Variants in BCAS3 observed in about 807,000 individuals in gnomAD.
BCAS3 encodes BCAS3 microtubule associated cell migration factor.
In BCAS3, 53 loss-of-function variants were observed where a neutral mutation model predicts 116.1. That is an observed-to-expected ratio of 0.46 (90% CI 0.37 to 0.57). BCAS3 has a LOEUF of 0.57. Among genes scored for constraint, BCAS3 ranks in the 20% least tolerant of loss-of-function variants. BCAS3 has a pLI of 0.00. For synonymous variants in BCAS3, 391 were observed against 408.2 expected (o/e 0.96, Z 0.51); for missense variants, 917 against 1,165.4 (o/e 0.79, Z 3.10).
chr17:61,125,067 A>G (rs1030145355), intron 22 of BCAS3, among the ~76,000 whole-genome samples: 6 of 152,254 alleles, frequency 3.9e-5, no homozygotes, highest in Non-Finnish European at 5.9e-5. Flanking sequence ...ATAGATTTAA[A>G]TAATCAACCT....
Position 61,189,425 on chromosome 17 carries a change from C to A in BCAS3, c.2425+104861C>A, listed in dbSNP as rs1178713765. 6.6e-6 allele frequency among the ~76,000 whole-genome samples: 1 copy of A among 152,172 alleles called. No individual in the cohort carries two copies. The highest frequency in any genetic ancestry group is 1.5e-5 in the Non-Finnish European group (1 of 68,024). ...AGCAGTGTGTATTTTAGTTAAGGAACTTGGACTTATATCCTATAAGGATGG... is the reference window on the plus strand; with the variant it reads ...AGCAGTGTGTATTTTAGTTAAGGAAATTGGACTTATATCCTATAAGGATGG... On this transcript the variant is annotated intron_variant, in intron 22 of 23. Coordinates refer to ENST00000407086, the MANE Select transcript of BCAS3 (RefSeq NM_017679.5). The surrounding 1 kb of genome is among the most constrained non-coding windows in gnomAD (Gnocchi z 4.5).
At chr17:60,859,086 A>T (rs2053931137) in intron 7 of BCAS3, among the ~76,000 whole-genome samples, 1 of 152,136 alleles carries the variant, frequency 6.6e-6, no homozygotes, top group Admixed American at 6.6e-5. Context: ...ATTAATTTTA[A>T]TGCTGACATT....
chr17:60,765,034 A>G (rs997423995), intron 6 of BCAS3, among the ~76,000 whole-genome samples: 5 of 151,708 alleles, frequency 3.3e-5, no homozygotes, highest in African/African-American at 9.7e-5. Context: ...TTTGCTTTCC[A>G]TTTGCTTGGT....
In BCAS3 at chr17:60,764,710, G is replaced by A. The variant is rs190995531; in HGVS notation, c.403+17431G>A. Among the ~76,000 whole-genome samples, 4 of 152,240 alleles carry A rather than the reference G, an allele frequency of 2.6e-5. No homozygotes were observed. The East Asian group carries it at 7.7e-4, about 29-fold the overall frequency. On this transcript the variant is annotated intron_variant, in intron 6 of 23. Coordinates refer to ENST00000407086, the MANE Select transcript of BCAS3 (RefSeq NM_017679.5). ...GGAGATTTCTGTAGATGTCTATTAG[G>A]TCTGCTTGGTGCAGAGCTGAGTTCA...
chr17:61,059,341 C>G (rs1270722920), intron 19 of BCAS3, among the ~76,000 whole-genome samples: 1 of 151,964 alleles, frequency 6.6e-6, no homozygotes, highest in East Asian at 1.9e-4. Context: ...CTTGGCCTCC[C>G]AAAGTTCTGG....
intron 7 of BCAS3, among the ~76,000 whole-genome samples, chr17:60,839,125 G>A (rs768891339): frequency 2.0e-5 from 3 of 152,100 alleles, no homozygotes; most frequent in Non-Finnish European, 4.4e-5. Context: ...TCTGTTTCTT[G>A]TAACATTTCT....
intron 22 of BCAS3, among the ~76,000 whole-genome samples, chr17:61,110,676 G>A (rs1416837113): frequency 2.0e-5 from 3 of 152,124 alleles, no homozygotes; most frequent in South Asian, 2.1e-4. Context: ...AGGGGCGCCC[G>A]CCATTGCCCA....
At chr17:60,770,075 A>G (rs73316705) in intron 6 of BCAS3, among the ~76,000 whole-genome samples, 41,707 of 151,890 alleles carry the variant, frequency 0.27, 11,436 homozygotes, top group African/African-American at 0.71. Context: ...TCCCAGTCCA[A>G]GTTTGGTTCT....
In BCAS3 at chr17:61,217,963, G is replaced by A. The variant is rs1451650622; in HGVS notation, c.2425+133399G>A. ...TACAACAGATCACTGATAATTTAGT[G>A]GACTGGTTACCACCAGAATCCTTGG... On this transcript the variant is annotated intron_variant, in intron 22 of 23. Coordinates refer to ENST00000407086, the MANE Select transcript of BCAS3 (RefSeq NM_017679.5). This position sits in a 1 kb window ranked among gnomAD's most constrained non-coding sequence, Gnocchi z 5.2. Among the ~76,000 whole-genome samples the A allele has an allele frequency of 6.6e-6, 1 of 152,022 alleles. No homozygotes were observed. Among genetic ancestry groups the A allele is most frequent in the Non-Finnish European group, 1.5e-5 (1 of 68,010 alleles).
chr17:60,945,404 C>T (rs12602051), intron 13 of BCAS3, among the ~76,000 whole-genome samples: 3 of 152,138 alleles, frequency 2.0e-5, no homozygotes, highest in Non-Finnish European at 4.4e-5. Context: ...GGAAAAGGCT[C>T]ATTTTACCTG....
chr17:60,757,328 T>TAATAAATAAATA (rs1304670427), intron 6 of BCAS3, among the ~76,000 whole-genome samples: 8 of 19,072 alleles, frequency 4.2e-4, no homozygotes, highest in African/African-American at 4.7e-4. Flanking sequence ...AAAATAATAA[T>TAATAAATAAATA]AATAAATAAA....
intron 22 of BCAS3, among the ~76,000 whole-genome samples, chr17:61,230,907 A>G (rs1225642526): frequency 6.6e-6 from 1 of 150,990 alleles, no homozygotes; most frequent in African/African-American, 2.4e-5. Flanking sequence ...TTATAACAAC[A>G]GTGTATAAGC....
intron 5 of BCAS3, among the ~76,000 whole-genome samples, chr17:60,719,266 G>A (rs889195049): frequency 6.6e-6 from 1 of 152,132 alleles, no homozygotes; most frequent in Admixed American, 6.5e-5. Flanking sequence ...TTTGTTATTG[G>A]CAGCAAAAAG....
intron 22 of BCAS3, among the ~76,000 whole-genome samples, chr17:61,230,203 CTTTGT>C (rs2082594781): frequency 2.0e-5 from 3 of 151,828 alleles, no homozygotes; most frequent in Non-Finnish European, 4.4e-5. Context: ...TATATGTATA[CTTTGT>C]TTTAATATGT....
At chr17:60,977,330 C>A (rs899926904) in intron 14 of BCAS3, among the ~76,000 whole-genome samples, 5 of 152,046 alleles carry the variant, frequency 3.3e-5, no homozygotes, top group African/African-American at 4.8e-5. Context: ...TAGGCACATG[C>A]CACCACACCT....
chr17:60,880,702 A>G (rs906899912), intron 9 of BCAS3, among the ~76,000 whole-genome samples: 7 of 152,220 alleles, frequency 4.6e-5, no homozygotes, highest in Non-Finnish European at 1.0e-4. Flanking sequence ...CAGTGGACAT[A>G]TGTTCTCTTG....
intron 23 of BCAS3, among the ~76,000 whole-genome samples, chr17:61,384,894 A>G (rs2059772100): frequency 6.6e-6 from 1 of 152,164 alleles, no homozygotes; most frequent in African/African-American, 2.4e-5. Context: ...GGGGAGCCCC[A>G]CACTGCAGGG....
At chr17:60,781,208 G>A (rs957701946) in intron 6 of BCAS3, among the ~76,000 whole-genome samples, 4 of 151,646 alleles carry the variant, frequency 2.6e-5, no homozygotes, top group Non-Finnish European at 4.4e-5. Flanking sequence ...GACCTCAAGT[G>A]ATCCCCCCGC....
In BCAS3 at chr17:61,151,164, A is replaced by G. The variant is rs2077519106; in HGVS notation, c.2425+66600A>G. Reference sequence around the variant, plus strand: ...CAAATCCAAACATCTGAAATCTGGGATGCTCCAAAATTCAAAACTTTTTTG... The same window carrying G: ...CAAATCCAAACATCTGAAATCTGGGGTGCTCCAAAATTCAAAACTTTTTTG... On this transcript the variant is annotated intron_variant, in intron 22 of 23. Coordinates refer to ENST00000407086, the MANE Select transcript of BCAS3 (RefSeq NM_017679.5). The surrounding 1 kb of genome is among the most constrained non-coding windows in gnomAD (Gnocchi z 4.8). Among the ~76,000 whole-genome samples the G allele has an allele frequency of 1.3e-5, 2 of 152,214 alleles. No individual in the cohort carries two copies. The highest frequency in any genetic ancestry group is 1.5e-5 in the Non-Finnish European group (1 of 68,036).
Sources: gnomAD v4.1 joint callset for allele counts (sites outside exome capture counted in the v4.1 genomes callset) on GRCh38, gnomAD v4.1.1 for gene constraint, Gnocchi (gnomAD v3.1) non-coding constraint, MANE v1.5 for transcripts, NCBI Gene and HGNC (gene_info 2026-07-23, HGNC 2026-07-21) for gene names.